The following CRTC3 variants were observed in gnomAD, a reference collection of about 807,000 sequenced individuals.
CRTC3 encodes CREB-regulated transcription coactivator 3.
A neutral mutation model predicts 74.5 loss-of-function variants in CRTC3; 26 were observed. The ratio of observed to expected loss-of-function variants is 0.35; its 90% CI spans 0.26 to 0.48. CRTC3 has a LOEUF of 0.48. Ranked by LOEUF, CRTC3 falls within the 20% of genes least tolerant of loss-of-function variation. CRTC3 has a pLI of 0.99. For synonymous variants in CRTC3, 377 were observed against 325.8 expected (o/e 1.16, Z -1.69); for missense variants, 760 against 787.3 (o/e 0.97, Z 0.41).
chr15:90,531,239 G>C (rs1966622013), intron 1 of CRTC3, among the ~76,000 whole-genome samples: 1 of 152,062 alleles, frequency 6.6e-6, no homozygotes, highest in Admixed American at 6.6e-5. Flanking sequence ...CCAAATTTCC[G>C]TATTATTTAT....
Position 90,593,686 on chromosome 15 carries a change from G to A in CRTC3, c.282G>A (p.Leu94=), listed in dbSNP as rs1299933330. The A allele has an allele frequency of 1.1e-5, 18 of 1,612,160 alleles. No individual in the cohort carries two copies. Among genetic ancestry groups the A allele is most frequent in the Non-Finnish European group, 1.5e-5 (18 of 1,178,314 alleles). ...TTCGGGGAACCCGCCATCACGGGCT[G>A]GTGGAGAGGCCATCCAGGAACCGCT... ...DNVRGTRHHG[L]VERPSRNRFH... The change falls in exon 3 of 15, where the codon CTG becomes CTA. Residue 94 remains leucine, a synonymous_variant. Coordinates refer to ENST00000268184, the MANE Select transcript of CRTC3 (RefSeq NM_022769.5).
chr15:90,557,551 G>C (rs1348793282), intron 2 of CRTC3, among the ~76,000 whole-genome samples: 2 of 152,138 alleles, frequency 1.3e-5, no homozygotes, highest in Non-Finnish European at 2.9e-5. Context: ...CTGCACATCT[G>C]GACCTTTCAC....
chr15:90,595,458 G>A (rs1248071144), intron 3 of CRTC3: 2 of 151,894 alleles, frequency 1.3e-5, no homozygotes, highest in Non-Finnish European at 2.9e-5. Flanking sequence ...TATAGTCCCA[G>A]GCTGAGGCAG....
chr15:90,544,556 G>A (rs1413208048), intron 2 of CRTC3, among the ~76,000 whole-genome samples: 1 of 152,242 alleles, frequency 6.6e-6, no homozygotes, highest in South Asian at 2.1e-4. Context: ...GTTAGTTGAT[G>A]GGCATTTGGG....
In CRTC3 at chr15:90,572,220, G is replaced by T. The variant is rs570457917; in HGVS notation, c.232-21416G>T. 5.3e-5 allele frequency among the ~76,000 whole-genome samples: 8 copies of T among 149,696 alleles called. No homozygotes were observed. In the South Asian group the frequency reaches 1.7e-3, roughly 32 times the overall value. ...ACACCTTAGGTATCTTTCTATGTCA[G>T]TACCTAAAGATATATATTCTTTCTA... is the stretch of plus-strand genomic sequence containing the variant. On this transcript the variant is annotated intron_variant, in intron 2 of 14. Coordinates refer to ENST00000268184, the MANE Select transcript of CRTC3 (RefSeq NM_022769.5).
chr15:90,545,768 CG>C (rs1329469368), intron 2 of CRTC3, among the ~76,000 whole-genome samples: 2 of 151,878 alleles, frequency 1.3e-5, no homozygotes, highest in African/African-American at 4.8e-5. Flanking sequence ...TTAGTAGAGA[CG>C]GGGTTTCACT....
intron 2 of CRTC3, among the ~76,000 whole-genome samples, chr15:90,547,184 T>G (rs1966845795): frequency 6.6e-6 from 1 of 152,240 alleles, no homozygotes; most frequent in South Asian, 2.1e-4. Flanking sequence ...CCTTGTGGAA[T>G]GGCTAAATCA....
Position 90,569,560 on chromosome 15 carries a change from G to A in CRTC3, c.232-24076G>A, listed in dbSNP as rs200784691. Among the ~76,000 whole-genome samples the A allele has an allele frequency of 7.6e-3, 136 of 17,966 alleles. 57 individuals are homozygous for A. The highest frequency in any genetic ancestry group is 0.023 in the Non-Finnish European group (82 of 3,640). The allele number at this position is 17,966 out of a possible 152,430, so 11.8% of individuals were successfully genotyped here. On this transcript the variant is annotated intron_variant, in intron 2 of 14. Coordinates refer to ENST00000268184, the MANE Select transcript of CRTC3 (RefSeq NM_022769.5). Reference sequence around the variant, plus strand: ...TCTCAAACTCCTGAGACATATACCTGTTGTAAATTGGTATACGTCTTTTTT... The same window carrying A: ...TCTCAAACTCCTGAGACATATACCTATTGTAAATTGGTATACGTCTTTTTT...
At chr15:90,555,496 G>GTTCTTTTTCTTTT (rs756382183) in intron 2 of CRTC3, among the ~76,000 whole-genome samples, 1 of 152,044 alleles carries the variant, frequency 6.6e-6, no homozygotes, top group African/African-American at 2.4e-5. Context: ...TAACTCTAGT[G>GTTCTTTTTCTTTT]TTCTTTTTCT....
intron 10 of CRTC3, among the ~76,000 whole-genome samples, chr15:90,626,611 C>CTTTTTTTTTTTTTTTTTTT (rs922457681): frequency 1.5e-5 from 2 of 133,424 alleles, no homozygotes; most frequent in African/African-American, 5.9e-5. Flanking sequence ...AAGCCTGACA[C>CTTTTTTTTTTTTTTTTTTT]TTTTTTTTTT....
At chr15:90,619,620 T>G (rs1390538934) in intron 8 of CRTC3, 121 bp from the exon 9 acceptor site, 2 of 772,264 alleles carry the variant, frequency 2.6e-6, no homozygotes, top group Non-Finnish European at 2.3e-6. Context: ...GTGAGGACTC[T>G]GTCGACACGC....
chr15:90,641,866 G>C, intron 14 of CRTC3, 66 bp from the exon 15 acceptor site: 2 of 1,412,000 alleles, frequency 1.4e-6, no homozygotes, highest in Non-Finnish European at 2.0e-6. Flanking sequence ...AGCTGGGTTT[G>C]CTTAGTAGCC....
rs376557472 is a variant in CRTC3, at chr15:90,617,681, C to T, written c.614-202C>T. Among the ~76,000 whole-genome samples, 414 of 152,170 alleles carry T rather than the reference C, an allele frequency of 2.7e-3. 1 individual carries two copies. The highest frequency in any genetic ancestry group is 8.5e-3 in the African/African-American group (352 of 41,506). ...AGTAGTTGGGACTACAGGTGTGAGC[C>T]GCCACACCCAGCTAATTTTTAAATT... On this transcript the variant is annotated intron_variant, in intron 7 of 14. Coordinates refer to ENST00000268184, the MANE Select transcript of CRTC3 (RefSeq NM_022769.5).
chr15:90,635,046 C>T (rs7163000), intron 11 of CRTC3: 209,749 of 960,242 alleles, frequency 0.22, 26,502 homozygotes, highest in African/African-American at 0.5. Context: ...TAAGTCACTA[C>T]TGAAATGGCA....
intron 13 of CRTC3, 84 bp downstream of exon 13, chr15:90,638,899 G>A: frequency 8.6e-7 from 1 of 1,161,278 alleles, no homozygotes; most frequent in Non-Finnish European, 1.3e-6. Context: ...TCAGAACTGA[G>A]CAGACCAGAC....
At chr15:90,536,043 CTT>C (rs1966713918) in intron 1 of CRTC3, among the ~76,000 whole-genome samples, 2 of 152,314 alleles carry the variant, frequency 1.3e-5, no homozygotes, top group African/African-American at 2.4e-5. Flanking sequence ...GTTGAAAAGA[CTT>C]TTCTTTGCCC....
intron 2 of CRTC3, among the ~76,000 whole-genome samples, chr15:90,571,371 C>T (rs1196986482): frequency 6.6e-6 from 1 of 152,088 alleles, no homozygotes; most frequent in Admixed American, 6.6e-5. Flanking sequence ...GGCTATATAA[C>T]TGAAGATTGG....
At chr15:90,588,185 G>C (rs915890194) in intron 2 of CRTC3, among the ~76,000 whole-genome samples, 1 of 151,828 alleles carries the variant, frequency 6.6e-6, no homozygotes, top group African/African-American at 2.4e-5. Flanking sequence ...GCTCGAACTT[G>C]GGAGGCAGAG....
At chr15:90,624,449 GC>G (rs1242186629) in intron 9 of CRTC3, among the ~76,000 whole-genome samples, 1 of 151,666 alleles carries the variant, frequency 6.6e-6, no homozygotes, top group Admixed American at 6.6e-5. Context: ...ATTCTCTCCC[GC>G]CTGCCTCTCC....
Sources: gnomAD v4.1 joint callset for allele counts (sites outside exome capture counted in the v4.1 genomes callset) on GRCh38, gnomAD v4.1.1 for gene constraint, MANE v1.5 for transcripts, NCBI Gene and HGNC (gene_info 2026-07-23, HGNC 2026-07-21) for gene names.